NACC1: variants seen among roughly 807,000 people sequenced by gnomAD.
The protein encoded by NACC1 is nucleus accumbens-associated protein 1.
NACC1 carries 6 observed loss-of-function variants against 41.7 expected under a neutral mutation model. The ratio of observed to expected loss-of-function variants is 0.14; its 90% confidence interval spans 0.08 to 0.28. NACC1 has a LOEUF of 0.28. NACC1 is among the 10% of genes least tolerant of loss of function. NACC1 has a pLI of 1.00. For synonymous variants in NACC1, 338 were observed against 330.6 expected, an observed-to-expected ratio of 1.02 and a Z score of -0.24; for missense variants, 434 against 763.7, an observed-to-expected ratio of 0.57 and a Z score of 5.09.
Position 13,135,956 on chromosome 19 carries a change from G to T in NACC1, c.749G>T (p.Gly250Val). ...CCAGCCGGTGGGGTGGCAGCAGCAG[G>T]GGGTGTGGTGAGTGGGCCCAGCACG... ...GQPAGGVAAA[G>V]GVVSGPSTSE... Residue 250 changes from glycine (G) to valine (V), a missense_variant, in exon 2 of 6, where the codon GGG (glycine) becomes GTG (valine). Gly to Val is a moderately radical substitution (Grantham distance 109, BLOSUM62 -3). Transcript: ENST00000292431. 1 of 1,602,586 alleles carries T rather than the reference G, an allele frequency of 6.2e-7. No individual in the cohort carries two copies. Among genetic ancestry groups the T allele is most frequent in the Non-Finnish European group, 8.5e-7 (1 of 1,175,674 alleles).
At chr19:13,131,675 T>C (rs1353737030) in intron 1 of NACC1, 1 of 152,178 alleles carries the variant, frequency 6.6e-6, no homozygotes, top group Non-Finnish European at 1.5e-5. Context: ...GGTTTTGTTT[T>C]GTTTTGTTTG....
intron 1 of NACC1, chr19:13,131,892 C>G (rs1220819133): frequency 6.6e-6 from 1 of 152,204 alleles, no homozygotes; most frequent in Non-Finnish European, 1.5e-5. Context: ...CATAGTCTCA[C>G]TCTGTTGCCC....
At chr19:13,121,424 T>C (rs1378529298) in intron 1 of NACC1, among the ~76,000 whole-genome samples, 1 of 152,088 alleles carries the variant, frequency 6.6e-6, no homozygotes, top group Non-Finnish European at 1.5e-5. Context: ...CACCCCCAGA[T>C]GGAAGTTCAG....
Position 13,137,287 on chromosome 19 carries a change from C to G in NACC1, c.1137C>G (p.Ile379Met). Residue 379 changes from isoleucine to methionine, a missense_variant, in exon 4 of 6, where the codon ATC becomes ATG. This residue lies in a region of NACC1 where 70 missense variants were observed against 206.9 expected (regional missense o/e 0.34). Transcript: ENST00000292431. This position sits in a 1 kb window ranked among gnomAD's most constrained non-coding sequence, Gnocchi z 6.1. Reference sequence around the variant, plus strand: ...TCTCACCAGGCACCAACGTGTACATCACAAGGGCGCAGCTGATGAACTGCC... The same window carrying G: ...TCTCACCAGGCACCAACGTGTACATGACAAGGGCGCAGCTGATGAACTGCC... The part of the protein sequence containing the change: ...LELVTGTNVY[I>M]TRAQLMNCHV... 1 of 1,613,826 alleles carries G rather than the reference C, an allele frequency of 6.2e-7. No individual in the cohort carries two copies. Among genetic ancestry groups the G allele is most frequent in the Non-Finnish European group, 8.5e-7 (1 of 1,179,972 alleles).
Position 13,135,499 on chromosome 19 carries a change from T to C in NACC1, c.292T>C (p.Phe98Leu). The change falls in exon 2 of 6, where the codon TTC (phenylalanine) becomes CTC (leucine). Residue 98 changes from phenylalanine (F) to leucine (L), a missense_variant. By Grantham distance (22) the Phe-to-Leu change is conservative. Coordinates refer to ENST00000292431, the MANE Select transcript of NACC1 (RefSeq NM_052876.4). Reference protein sequence around the residue: ...GRLSMNVGDQFLLMYTAGFLQ... With the variant: ...GRLSMNVGDQLLLMYTAGFLQ... ...GCTGAGCATGAACGTGGGCGACCAG[T>C]TCCTGCTCATGTACACGGCTGGCTT... 3 of 1,613,702 alleles carry C rather than the reference T, an allele frequency of 1.9e-6. No homozygotes were observed. Among genetic ancestry groups the C allele is most frequent in the South Asian group, 2.2e-5 (2 of 91,066 alleles).
intron 1 of NACC1, among the ~76,000 whole-genome samples, 157 bp downstream of exon 1, chr19:13,118,611 C>T (rs1385218074): frequency 1.3e-5 from 2 of 151,390 alleles, no homozygotes; most frequent in East Asian, 3.9e-4. Flanking sequence ...GGCCCAGCTA[C>T]CGCGGGCGGC....
At chr19:13,123,524 T>C (rs2019525909) in intron 1 of NACC1, among the ~76,000 whole-genome samples, 1 of 151,930 alleles carries the variant, frequency 6.6e-6, no homozygotes, top group South Asian at 2.1e-4. Flanking sequence ...GGCTAGAGAA[T>C]AGCTGCAGTT....
chr19:13,125,909 G>T (rs948002019), intron 1 of NACC1, among the ~76,000 whole-genome samples: 1 of 151,402 alleles, frequency 6.6e-6, no homozygotes, highest in African/African-American at 2.4e-5. Context: ...GCTAATTTTT[G>T]TATTTTTAGT....
At chr19:13,119,468 CA>C in intron 1 of NACC1, among the ~76,000 whole-genome samples, 1 of 152,238 alleles carries the variant, frequency 6.6e-6, no homozygotes, top group South Asian at 2.1e-4. Context: ...TACAGGGAGG[CA>C]GCCCAGCAGA....
At chr19:13,125,609 G>A (rs1179691786) in intron 1 of NACC1, among the ~76,000 whole-genome samples, 1 of 151,876 alleles carries the variant, frequency 6.6e-6, no homozygotes, top group African/African-American at 2.4e-5. Context: ...TAGTAGAGAC[G>A]GGGTTTCACT....
chr19:13,133,987 T>C (rs1016866958), intron 1 of NACC1, among the ~76,000 whole-genome samples: 3 of 152,146 alleles, frequency 2.0e-5, no homozygotes, highest in Non-Finnish European at 4.4e-5. Context: ...TGGTTAGGAT[T>C]TGCATTTCCC....
In NACC1 at chr19:13,138,543, C is replaced by A; in HGVS notation, c.*137C>A. The A allele has an allele frequency of 2.3e-6, 3 of 1,303,426 alleles. No homozygotes were observed. The highest frequency in any genetic ancestry group is 2.1e-6 in the Non-Finnish European group (2 of 961,956). The allele number at this position is 1,303,426 out of a possible 1,614,324, so 80.7% of individuals were successfully genotyped here. On this transcript the variant is annotated 3_prime_UTR_variant, in exon 6 of 6. Coordinates refer to ENST00000292431, the MANE Select transcript of NACC1 (RefSeq NM_052876.4). The surrounding 1 kb of genome is among the most constrained non-coding windows in gnomAD (Gnocchi z 5.7). ...GCATGTTCCCGGCCCTCTGCCCCTC[C>A]TGTCCTACCCCCTTTCCCCACCGAG... is the stretch of plus-strand genomic sequence containing the variant.
intron 1 of NACC1, chr19:13,131,645 T>C (rs1377308418): frequency 1.3e-5 from 2 of 152,232 alleles, no homozygotes; most frequent in Non-Finnish European, 2.9e-5. Context: ...CACCCTCTGA[T>C]TGCCCTAAGG....
At chr19:13,123,825 G>T (rs540614204) in intron 1 of NACC1, among the ~76,000 whole-genome samples, 3 of 152,138 alleles carry the variant, frequency 2.0e-5, no homozygotes, top group Non-Finnish European at 4.4e-5. Flanking sequence ...AGACGGCCTG[G>T]GTATAAACCT....
intron 1 of NACC1, among the ~76,000 whole-genome samples, chr19:13,130,673 C>G (rs1464961580): frequency 4.0e-5 from 6 of 151,622 alleles, no homozygotes; most frequent in Non-Finnish European, 8.8e-5. Flanking sequence ...GTAGCTGGAA[C>G]TACAGATGTG....
At position 13,139,269 on chromosome 19, in the gene NACC1, C is replaced by CT. The variant is rs1428617690; in HGVS notation, c.*864dup. The stretch of plus-strand genomic sequence containing the variant: ...GGAGCAGACTGGGGGGCTGTTGCCC[C>CT]TCCCTCCATCTCCCCACACCCACCC... On this transcript the variant is annotated 3_prime_UTR_variant, in exon 6 of 6. Coordinates refer to ENST00000292431, the MANE Select transcript of NACC1 (RefSeq NM_052876.4). 6.6e-6 allele frequency: 1 copy of CT among 152,092 alleles called. No homozygotes were observed. Among genetic ancestry groups the CT allele is most frequent in the East Asian group, 1.9e-4 (1 of 5,182 alleles). 9.4% of individuals were successfully genotyped at this position (152,092 alleles called of 1,614,324 possible).
In NACC1 at chr19:13,138,256, G is replaced by A; in HGVS notation, c.1434G>A (p.Lys478=). Residue 478 remains lysine, a synonymous_variant, in exon 6 of 6, where the codon AAG becomes AAA. Coordinates refer to ENST00000292431, the MANE Select transcript of NACC1 (RefSeq NM_052876.4). The surrounding 1 kb of genome is among the most constrained non-coding windows in gnomAD (Gnocchi z 5.7). ...TCGTGCGCAAGAGCTGGATGCCCAA[G>A]GTCAAGGTGCTCAAGGCTGAGGATG... The part of the protein sequence containing the change: ...RRVVRKSWMP[K]VKVLKAEDDA... 1 of 1,614,232 alleles carries A rather than the reference G, an allele frequency of 6.2e-7. No individual in the cohort carries two copies. Among genetic ancestry groups the A allele is most frequent in the South Asian group, 1.1e-5 (1 of 91,084 alleles).
chr19:13,136,618 G>C lies in NACC1; in HGVS notation c.1120+213G>C, dbSNP rs541433509. 1.3e-5 allele frequency among the ~76,000 whole-genome samples: 2 copies of C among 152,158 alleles called. No individual in the cohort carries two copies. The highest frequency in any genetic ancestry group is 4.8e-5 in the African/African-American group (2 of 41,430). On this transcript the variant is annotated intron_variant, in intron 3 of 5. Coordinates refer to ENST00000292431, the MANE Select transcript of NACC1 (RefSeq NM_052876.4). The surrounding 1 kb of genome is among the most constrained non-coding windows in gnomAD (Gnocchi z 5.5). The stretch of plus-strand genomic sequence containing the variant: ...CTCTAGGTTTCTGGCTTAAGGGGTC[G>C]GGGCGAGCATTGGCTATTATTGTTT...
intron 1 of NACC1, among the ~76,000 whole-genome samples, chr19:13,131,227 T>C (rs960617086): frequency 1.2e-4 from 19 of 152,260 alleles, no homozygotes; most frequent in African/African-American, 4.6e-4. Context: ...TCAGGATGGG[T>C]TGGATGAACA....
Sources: allele counts gnomAD v4.1 joint callset (sites outside exome capture counted in the v4.1 genomes callset), GRCh38; gene constraint gnomAD v4.1.1; regional missense constraint gnomAD v4.1.1; non-coding constraint Gnocchi (gnomAD v3.1); transcripts MANE v1.5; gene names NCBI Gene and HGNC (gene_info 2026-07-23, HGNC 2026-07-21).